The following PROKR2 variants were observed in gnomAD, a reference collection of about 807,000 sequenced individuals.
PROKR2 encodes G protein-coupled receptor 73-like 1.
In PROKR2, 26 loss-of-function variants were observed where a neutral mutation model predicts 23.4. That is an observed-to-expected ratio of 1.11 (90% CI 0.81 to 1.54). The LOEUF is 1.54. Ranked by LOEUF, PROKR2 falls within the 40% of genes most tolerant of loss-of-function variation. The probability of loss-of-function intolerance (pLI) is 0.00; values close to 1 mark genes in which losing one functional copy is unlikely to be tolerated. For missense variants in PROKR2, 453 were observed against 511.5 expected, an observed-to-expected ratio of 0.89 and a Z score of 1.10; for synonymous variants, 212 against 201.2, an observed-to-expected ratio of 1.05 and a Z score of -0.45.
chr20:5,316,475 C>A lies in PROKR2; in HGVS notation c.-9+19G>T. 4.6e-6 allele frequency: 2 copies of A among 432,156 alleles called. No homozygotes were observed. The allele number at this position is 432,156 out of a possible 1,614,324, so 26.8% of individuals were successfully genotyped here. The stretch of plus-strand genomic sequence containing the variant: ...CCGCACCGACTGAGTCCCGGGACTG[C>A]AGGGATCTAAGCCCTTACCTGTCTC... On this transcript the variant is annotated intron_variant, in intron 1 of 2. Transcript: ENST00000678254. This position sits in a 1 kb window ranked among gnomAD's most constrained non-coding sequence, Gnocchi z 5.0.
In PROKR2 at chr20:5,302,744, G is replaced by A. The variant is rs1354316273; in HGVS notation, c.459-8C>T. ...TGAACGATGGCGAGATATCTGGTGG[G>A]GGAGGGAAGCCAACAGTAGTAATGA... On this transcript the variant is annotated splice_region_variant and splice_polypyrimidine_tract_variant and intron_variant, in intron 2 of 2. Coordinates refer to ENST00000678254, the MANE Select transcript of PROKR2 (RefSeq NM_144773.4). 5 of 1,607,200 alleles carry A rather than the reference G, an allele frequency of 3.1e-6. No homozygotes were observed. In the South Asian group the frequency reaches 5.5e-5, roughly 18 times the overall value.
intron 2 of PROKR2, among the ~76,000 whole-genome samples, chr20:5,309,066 G>A (rs1670432596): frequency 6.6e-6 from 1 of 152,138 alleles, no homozygotes; most frequent in Non-Finnish European, 1.5e-5. Flanking sequence ...CCATGCATGT[G>A]ACCTGACCTT....
rs184368417 is a variant in PROKR2 at position 5,312,341 on chromosome 20, A to G, written c.458+1571T>C. Among the ~76,000 whole-genome samples the G allele has an allele frequency of 4.6e-3, 699 of 152,308 alleles. 1 individual carries two copies. Among genetic ancestry groups the G allele is most frequent in the Non-Finnish European group, 7.8e-3 (533 of 68,028 alleles). On this transcript the variant is annotated intron_variant, in intron 2 of 2. Coordinates refer to ENST00000678254, the MANE Select transcript of PROKR2 (RefSeq NM_144773.4). ...AGGCTGGTCTCAAATTCCTGACCTC[A>G]GGTGATCTGCCCGTCTCAGCCTCCC...
At chr20:5,313,871 C>A in intron 2 of PROKR2, 41 bp downstream of exon 2, 1 of 1,535,830 alleles carries the variant, frequency 6.5e-7, no homozygotes, top group Non-Finnish European at 9.0e-7. Flanking sequence ...AAAGAGACAG[C>A]CTGGCCCAGC....
In PROKR2 at chr20:5,302,603, A is replaced by G. The variant is rs1979045170; in HGVS notation, c.592T>C (p.Phe198Leu). ...ATCTTCTCCTGGCTCTTGACAATAAAGAGGACCGTTTCTGTTGCAAAGTAA... is the reference window on the plus strand; with the variant it reads ...ATCTTCTCCTGGCTCTTGACAATAAGGAGGACCGTTTCTGTTGCAAAGTAA... ...SAYFATETVL[F>L]IVKSQEKIFC... The change falls in exon 3 of 3, where the codon TTT (phenylalanine) becomes CTT (leucine). Residue 198 changes from phenylalanine to leucine, a missense_variant. Transcript: ENST00000678254. The G allele has an allele frequency of 6.2e-7, 1 of 1,614,204 alleles. No individual in the cohort carries two copies. The highest frequency in any genetic ancestry group is 2.2e-5 in the East Asian group (1 of 44,886).
chr20:5,314,818 G>A (rs1979597251), intron 1 of PROKR2, among the ~76,000 whole-genome samples: 1 of 152,206 alleles, frequency 6.6e-6, no homozygotes, highest in Non-Finnish European at 1.5e-5. Flanking sequence ...TCCCACAGGG[G>A]CTTCTGGAAC....
rs1359008316 is a variant in PROKR2, at chr20:5,299,907, G to A, written c.*2133C>T. Among the ~76,000 whole-genome samples, 3 of 152,212 alleles carry A rather than the reference G, an allele frequency of 2.0e-5. No individual in the cohort carries two copies. The highest frequency in any genetic ancestry group is 6.5e-5 in the Admixed American group (1 of 15,286). ...CCCGAAGTGCTGGGATTACAGATGTGAGCCACCATGCCGGCCTGCATTTTC... is the reference window on the plus strand; with the variant it reads ...CCCGAAGTGCTGGGATTACAGATGTAAGCCACCATGCCGGCCTGCATTTTC... On this transcript the variant is annotated 3_prime_UTR_variant, in exon 3 of 3. Coordinates refer to ENST00000678254, the MANE Select transcript of PROKR2 (RefSeq NM_144773.4).
At chr20:5,315,649 A>C in intron 1 of PROKR2, 2 of 352,936 alleles carry the variant, frequency 5.7e-6, no homozygotes, top group East Asian at 1.5e-4. Context: ...GAGGGACAGG[A>C]ACTGCGCGCC....
intron 2 of PROKR2, among the ~76,000 whole-genome samples, chr20:5,311,024 T>G (rs986065112): frequency 1.3e-5 from 2 of 152,226 alleles, no homozygotes; most frequent in Non-Finnish European, 1.5e-5. Flanking sequence ...GGATTTGACA[T>G]GTATTCCGTA....
chr20:5,310,524 A>T (rs900901656), intron 2 of PROKR2, among the ~76,000 whole-genome samples: 1 of 152,072 alleles, frequency 6.6e-6, no homozygotes, highest in Admixed American at 6.6e-5. Context: ...GAGTTTGGCC[A>T]TCCATCTTTC....
At chr20:5,315,235 G>GAATTCCATGCAAAA (rs1330572086) in intron 1 of PROKR2, among the ~76,000 whole-genome samples, 9 of 150,072 alleles carry the variant, frequency 6.0e-5, no homozygotes, top group Non-Finnish European at 1.2e-4. Context: ...ACCAGCTCCA[G>GAATTCCATGCAAAA]AAAGAAATCC....
chr20:5,311,739 G>A (rs1979452779), intron 2 of PROKR2, among the ~76,000 whole-genome samples: 1 of 152,212 alleles, frequency 6.6e-6, no homozygotes, highest in Admixed American at 6.5e-5. Flanking sequence ...AATATAAGCA[G>A]GCAGAAAAAT....
At chr20:5,303,390 T>C (rs547459903) in intron 2 of PROKR2, among the ~76,000 whole-genome samples, 24 of 152,302 alleles carry the variant, frequency 1.6e-4, no homozygotes, top group African/African-American at 5.8e-4. Context: ...TAGTGAAATC[T>C]AAGGACTCTA....
At chr20:5,308,129 T>G (rs1979290047) in intron 2 of PROKR2, among the ~76,000 whole-genome samples, 1 of 152,218 alleles carries the variant, frequency 6.6e-6, no homozygotes, top group Non-Finnish European at 1.5e-5. Flanking sequence ...TAGCTCACTG[T>G]GACAAAGCTG....
rs75649943 is a variant in PROKR2 at position 5,299,559 on chromosome 20, A to G, written c.*2481T>C. Among the ~76,000 whole-genome samples the G allele has an allele frequency of 0.025, 3,779 of 151,856 alleles. 62 individuals are homozygous for G. Among genetic ancestry groups the G allele is most frequent in the Non-Finnish European group, 0.039 (2,619 of 67,900 alleles). On this transcript the variant is annotated 3_prime_UTR_variant, in exon 3 of 3. Coordinates refer to ENST00000678254, the MANE Select transcript of PROKR2 (RefSeq NM_144773.4). ...ACACAATGCATTTCAAAGCCAAGCA[A>G]GTAAGAATTTTTGTAAATCAGAATT...
Position 5,300,940 on chromosome 20 carries a change from T to TCAAG in PROKR2, c.*1096_*1099dup, listed in dbSNP as rs1023551702. 1.3e-5 allele frequency among the ~76,000 whole-genome samples: 2 copies of TCAAG among 152,210 alleles called. No homozygotes were observed. Among genetic ancestry groups the TCAAG allele is most frequent in the Admixed American group, 1.3e-4 (2 of 15,278 alleles). On this transcript the variant is annotated 3_prime_UTR_variant, in exon 3 of 3. Coordinates refer to ENST00000678254, the MANE Select transcript of PROKR2 (RefSeq NM_144773.4). Reference sequence around the variant, plus strand: ...TCCACCCAAATAAAATGATAAGCTTTCAAGCATCAGTGGGAAAGTGATTTT... The same window carrying TCAAG: ...TCCACCCAAATAAAATGATAAGCTTTCAAGCAAGCATCAGTGGGAAAGTGATTTT...
rs1341324218 is a variant in PROKR2 at position 5,313,948 on chromosome 20, A to T, written c.422T>A (p.Val141Asp). The change falls in exon 2 of 3, where the codon GTC (valine) becomes GAC (aspartate). Residue 141 changes from valine to aspartate, a missense_variant. Physicochemically the swap from Val to Asp is radical, Grantham distance 152. Transcript: ENST00000678254. ...VNYLRTVSLY[V>D]STNALLAIAI... is the part of the protein sequence containing the mutation. Reference sequence around the variant, plus strand: ...AATGGCCAGCAAGGCATTGGTGGAGACGTAGAGGGAGACGGTGCGCAGGTA... The same window carrying T: ...AATGGCCAGCAAGGCATTGGTGGAGTCGTAGAGGGAGACGGTGCGCAGGTA... The T allele has an allele frequency of 6.2e-7, 1 of 1,614,040 alleles. No homozygotes were observed. The highest frequency in any genetic ancestry group is 8.5e-7 in the Non-Finnish European group (1 of 1,180,028).
In PROKR2 at chr20:5,302,268, C is replaced by T; in HGVS notation, c.927G>A (p.Lys309=). 6.2e-7 allele frequency: 1 copy of T among 1,614,236 alleles called. No homozygotes were observed. The highest frequency in any genetic ancestry group is 1.1e-5 in the South Asian group (1 of 91,082). The change falls in exon 3 of 3, where the codon AAG becomes AAA. Residue 309 remains lysine (K), a synonymous_variant. Transcript: ENST00000678254. ...CCACGTAGAAGGCAGTGAGGTAGTG[C>T]TTTTCCTTCACGAACACAGTGGGGA... ...DFFPTVFVKE[K]HYLTAFYVVE... is the part of the protein sequence containing the mutation.
intron 2 of PROKR2, among the ~76,000 whole-genome samples, chr20:5,306,255 T>C (rs567237785): frequency 2.0e-5 from 3 of 149,432 alleles, no homozygotes; most frequent in African/African-American, 7.5e-5. Flanking sequence ...CATTTTCCCA[T>C]TGGAATTCTC....
Sources: allele counts gnomAD v4.1 joint callset (sites outside exome capture counted in the v4.1 genomes callset), GRCh38; gene constraint gnomAD v4.1.1; non-coding constraint Gnocchi (gnomAD v3.1); transcripts MANE v1.5; gene names NCBI Gene and HGNC (gene_info 2026-07-23, HGNC 2026-07-21).